Variants in WASHC4 observed in about 807,000 individuals in gnomAD.
WASHC4 encodes the protein WASH complex subunit 7.
Under a neutral mutation model 166.6 loss-of-function variants are expected in WASHC4, and 86 were observed. That is an observed-to-expected ratio of 0.52 (90% CI 0.43 to 0.62). The LOEUF is 0.62. Ranked by LOEUF, WASHC4 falls within the 20% of genes least tolerant of loss-of-function variation. The pLI is 0.00. For synonymous variants in WASHC4, 446 were observed against 451.6 expected (o/e 0.99, Z 0.16); for missense variants, 1,262 against 1,382.4 (o/e 0.91, Z 1.38).
At chr12:105,115,388 G>A (rs1335039834) in intron 5 of WASHC4, among the ~76,000 whole-genome samples, 159 bp downstream of exon 5, 2 of 151,906 alleles carry the variant, frequency 1.3e-5, no homozygotes, top group East Asian at 3.9e-4. Context: ...AAAAGCTGAG[G>A]AAGCAGCAGC....
chr12:105,113,943 C>T (rs147941966), intron 2 of WASHC4, among the ~76,000 whole-genome samples: 217 of 152,034 alleles, frequency 1.4e-3, no homozygotes, highest in African/African-American at 5.0e-3. Flanking sequence ...TTACTATTAC[C>T]TTATTACCTT....
At chr12:105,155,841 CAAAA>C (rs1294472822) in intron 26 of WASHC4, among the ~76,000 whole-genome samples, 1 of 150,860 alleles carries the variant, frequency 6.6e-6, no homozygotes, top group Non-Finnish European at 1.5e-5. Flanking sequence ...GACTCTGTCT[CAAAA>C]AAAAGAAAAA....
At chr12:105,111,368 A>G in intron 2 of WASHC4, 104 bp downstream of exon 2, 1 of 782,394 alleles carries the variant, frequency 1.3e-6, no homozygotes, top group South Asian at 1.9e-5. Context: ...TTTGAAATCT[A>G]AGAACAAAAT....
At chr12:105,127,355 C>T in intron 13 of WASHC4, 66 bp downstream of exon 13, 5 of 1,092,488 alleles carry the variant, frequency 4.6e-6, no homozygotes, top group Non-Finnish European at 7.0e-6. Context: ...ATTATACTAA[C>T]ACTTAATGTA....
At chr12:105,145,438 C>CA (rs1286642304) in intron 22 of WASHC4, among the ~76,000 whole-genome samples, 1 of 151,734 alleles carries the variant, frequency 6.6e-6, no homozygotes, top group African/African-American at 2.4e-5. Flanking sequence ...TAATATTTAC[C>CA]AAAAAACATT....
At chr12:105,139,425 GTA>G (rs71069791) in intron 15 of WASHC4, among the ~76,000 whole-genome samples, 6,366 of 103,100 alleles carry the variant, frequency 0.062, 276 homozygotes, top group Middle Eastern at 0.11. Flanking sequence ...ATGTGTGTGT[GTA>G]TATATATATA....
chr12:105,157,085 A>C, intron 27 of WASHC4, 151 bp from the exon 28 acceptor site: 1 of 627,300 alleles, frequency 1.6e-6, no homozygotes, highest in Non-Finnish European at 2.8e-6. Context: ...TTTGGAACTA[A>C]AGTGGTGATA....
At chr12:105,114,538 T>C (rs1277753613) in intron 4 of WASHC4, 111 bp downstream of exon 4, 19 of 790,040 alleles carry the variant, frequency 2.4e-5, no homozygotes, top group Non-Finnish European at 2.3e-5. Context: ...GAATGAATTA[T>C]TTATTTAACG....
chr12:105,107,797 G>C lies in WASHC4; in HGVS notation c.-4G>C. 6.5e-7 allele frequency: 1 copy of C among 1,550,314 alleles called. No individual in the cohort carries two copies. The stretch of plus-strand genomic sequence containing the variant: ...GGGCTGTGTCTGTGGGAGGCGCCGG[G>C]GTGATGGCGGTGGAGACTCTGTCCC... On this transcript the variant is annotated 5_prime_UTR_variant, in exon 1 of 33. Coordinates refer to ENST00000332180, the MANE Select transcript of WASHC4 (RefSeq NM_015275.3).
At chr12:105,147,423 ATG>A (rs3830657) in intron 24 of WASHC4, 79,722 of 447,578 alleles carry the variant, frequency 0.18, 7,872 homozygotes, top group East Asian at 0.23. Context: ...ACATTAATAT[ATG>A]TGTGTGCACA....
At chr12:105,155,671 T>C (rs1884103675) in intron 26 of WASHC4, among the ~76,000 whole-genome samples, 1 of 150,108 alleles carries the variant, frequency 6.7e-6, no homozygotes, top group Admixed American at 6.7e-5. Context: ...TGAAACCCCA[T>C]CTCTACTAAA....
intron 4 of WASHC4, 127 bp downstream of exon 4, chr12:105,114,554 C>T (rs1879999683): frequency 2.9e-6 from 2 of 696,834 alleles, no homozygotes; most frequent in African/African-American, 1.8e-5. Context: ...TAACGTAATA[C>T]TAATACGGAC....
intron 1 of WASHC4, among the ~76,000 whole-genome samples, chr12:105,108,618 G>A (rs1231370741): frequency 2.0e-5 from 3 of 152,140 alleles, no homozygotes; most frequent in African/African-American, 7.2e-5. Context: ...AAATATTGAG[G>A]CCAAATTAAT....
In WASHC4 at chr12:105,144,322, A is replaced by C; in HGVS notation, c.2046A>C (p.Lys682Asn). The change falls in exon 21 of 33, where the codon AAA (lysine) becomes AAC (asparagine). Residue 682 changes from lysine (K) to asparagine (N), a missense_variant. Physicochemically the swap from Lys to Asn is moderately conservative, Grantham distance 94. Coordinates refer to ENST00000332180, the MANE Select transcript of WASHC4 (RefSeq NM_015275.3). ...ACAAATTATGCAAAGAAATAGAGAA[A>C]GATCTGCGACTTTCTGTGCATACTC... is the stretch of plus-strand genomic sequence containing the variant. Reference protein sequence around the residue: ...LLDKLCKEIEKDLRLSVHTHL... With the variant: ...LLDKLCKEIENDLRLSVHTHL... 1 of 1,613,096 alleles carries C rather than the reference A, an allele frequency of 6.2e-7. No homozygotes were observed. Among genetic ancestry groups the C allele is most frequent in the Non-Finnish European group, 8.5e-7 (1 of 1,179,394 alleles).
chr12:105,137,943 A>G lies in WASHC4; in HGVS notation c.1384A>G (p.Met462Val). The stretch of plus-strand genomic sequence containing the variant: ...TATTAAAACCACAATGAATCTCTAC[A>G]TGTCCATGCAAAAGCCAATGACCAA... ...TIIKTTMNLY[M>V]SMQKPMTKTS... Residue 462 changes from methionine (M) to valine (V), a missense_variant, in exon 15 of 33, where the codon ATG becomes GTG. Met to Val is a conservative substitution (Grantham distance 21). Transcript: ENST00000332180. The G allele has an allele frequency of 6.2e-7, 1 of 1,612,592 alleles. No homozygotes were observed. Among genetic ancestry groups the G allele is most frequent in the South Asian group, 1.1e-5 (1 of 91,032 alleles).
Position 105,114,404 on chromosome 12 carries a change from G to T in WASHC4, c.298G>T (p.Glu100Ter). The change falls in exon 4 of 33, where the codon GAA (glutamate) becomes TAA (stop). Residue 100 changes from glutamate (E) to a stop codon, truncating the protein, a stop_gained. Coordinates refer to ENST00000332180, the MANE Select transcript of WASHC4 (RefSeq NM_015275.3). LOFTEE classifies it high-confidence loss of function. ...CACTGTTTATGCTGCACTTTGTTGT[G>T]AAATCAAGAAATTAAAATATGAGGT... ...VITVYAALCC[E>*]IKKLKYEAET... 1 of 1,591,904 alleles carries T rather than the reference G, an allele frequency of 6.3e-7. No individual in the cohort carries two copies. The highest frequency in any genetic ancestry group is 1.1e-5 in the South Asian group (1 of 89,318).
Position 105,140,374 on chromosome 12 carries a change from G to A in WASHC4, c.1533G>A (p.Gln511=). The stretch of plus-strand genomic sequence containing the variant: ...ATATAACACAGCACCTTCAACATCA[G>A]GCTCTTCATTCTATTTCTGTGGCCA... ...VSHITQHLQH[Q]ALHSISVAKK... is the part of the protein sequence containing the mutation. The change falls in exon 16 of 33, where the codon CAG becomes CAA. Residue 511 remains glutamine, a synonymous_variant. Transcript: ENST00000332180. 1 of 1,613,252 alleles carries A rather than the reference G, an allele frequency of 6.2e-7. No individual in the cohort carries two copies. The highest frequency in any genetic ancestry group is 8.5e-7 in the Non-Finnish European group (1 of 1,179,316).
chr12:105,140,907 G>T lies in WASHC4; in HGVS notation c.1569G>T (p.Val523=). 4 of 1,613,864 alleles carry T rather than the reference G, an allele frequency of 2.5e-6. No individual in the cohort carries two copies. Among genetic ancestry groups the T allele is most frequent in the Non-Finnish European group, 3.4e-6 (4 of 1,179,942 alleles). Residue 523 remains valine (V), a synonymous_variant, in exon 17 of 33, where the codon GTG becomes GTT. Coordinates refer to ENST00000332180, the MANE Select transcript of WASHC4 (RefSeq NM_015275.3). ...LHSISVAKKR[V]ISDKKYSEQR... ...CCTGTTTTATTTTTAAGAAAAGAGT[G>T]ATTTCTGACAAAAAATACAGCGAAC...
chr12:105,122,234 T>A lies in WASHC4; in HGVS notation c.782T>A (p.Phe261Tyr), dbSNP rs1414444961. Residue 261 changes from phenylalanine to tyrosine, a missense_variant, in exon 10 of 33, where the codon TTC (phenylalanine) becomes TAC (tyrosine). Coordinates refer to ENST00000332180, the MANE Select transcript of WASHC4 (RefSeq NM_015275.3). ...GGGCAATTACTGGATGGAATGATAT[T>A]CCAGGTAAGTAGGTCTGTATCAGAC... The part of the protein sequence containing the change: ...LEGQLLDGMI[F>Y]QACIEQQFDS... 17 of 1,612,380 alleles carry A rather than the reference T, an allele frequency of 1.1e-5. 1 individual carries two copies. The highest frequency in any genetic ancestry group is 1.4e-5 in the Non-Finnish European group (17 of 1,179,558).
Sources: gnomAD v4.1 joint callset for allele counts (sites outside exome capture counted in the v4.1 genomes callset) on GRCh38, gnomAD v4.1.1 for gene constraint, MANE v1.5 for transcripts, NCBI Gene and HGNC (gene_info 2026-07-23, HGNC 2026-07-21) for gene names.